Variants in ADAM11 observed in about 807,000 individuals in gnomAD.
ADAM11 encodes the protein ADAM metallopeptidase domain 11.
ADAM11 carries 49 observed loss-of-function variants against 119.1 expected under a neutral mutation model. That is an observed-to-expected ratio of 0.41 (90% confidence interval 0.33 to 0.52). The LOEUF (loss-of-function observed/expected upper bound fraction) is 0.52, where lower values mean the gene tolerates loss of function less well. Among genes scored for constraint, ADAM11 ranks in the 20% least tolerant of loss-of-function variants. The pLI, the probability that ADAM11 is intolerant of heterozygous loss-of-function variation, is 0.20. For missense variants in ADAM11, 777 were observed against 1,047.5 expected, an observed-to-expected ratio of 0.74 and a Z score of 3.56; for synonymous variants, 364 against 408.0, an observed-to-expected ratio of 0.89 and a Z score of 1.30.
At position 44,780,947 on chromosome 17, in the gene ADAM11, T is replaced by C. The variant is rs9898964; in HGVS notation, c.*1193T>C. 0.6 allele frequency: 92,108 copies of C among 152,456 alleles called. 28,363 individuals are homozygous for C. The highest frequency in any genetic ancestry group is 0.77 in the East Asian group (3,970 of 5,136). 9.4% of individuals were successfully genotyped at this position (152,456 alleles called of 1,614,324 possible). ...TGCTGCAGCGAGCCTGAGAGCCAGG[T>C]AGAGCCAGGCACAGCTCCTCAGTCT... On this transcript the variant is annotated 3_prime_UTR_variant, in exon 27 of 27. Coordinates refer to ENST00000200557, the MANE Select transcript of ADAM11 (RefSeq NM_002390.6).
rs1170109447 is a variant in ADAM11 at position 44,780,074 on chromosome 17, G to GC, written c.*325dup. 3.0e-6 allele frequency: 2 copies of GC among 660,742 alleles called. No homozygotes were observed. Among genetic ancestry groups the GC allele is most frequent in the African/African-American group, 1.8e-5 (1 of 56,408 alleles). 40.9% of individuals were successfully genotyped at this position (660,742 alleles called of 1,614,324 possible). On this transcript the variant is annotated 3_prime_UTR_variant, in exon 27 of 27. Transcript: ENST00000200557. The stretch of plus-strand genomic sequence containing the variant: ...TCAACTCGGGGGCGCCTGGAGGGAT[G>GC]CCCCCAGGCAGCCACCAGTGGACCT...
At position 44,773,082 on chromosome 17, in the gene ADAM11, T is replaced by C. The variant is rs747118579; in HGVS notation, c.822T>C (p.Asp274=). ...CCAAGTCCGTGGTGAACCTGGCCGA[T>C]GTGGTAAGCAGCTCTCCCTCCCTCC... is the stretch of plus-strand genomic sequence containing the variant. ...NFAKSVVNLA[D]VIYKEQLNTR... Residue 274 remains aspartate (D), a synonymous_variant, in exon 10 of 27, where the codon GAT becomes GAC. Coordinates refer to ENST00000200557, the MANE Select transcript of ADAM11 (RefSeq NM_002390.6). The surrounding 1 kb of genome is among the most constrained non-coding windows in gnomAD (Gnocchi z 4.6). 2.1e-5 allele frequency: 34 copies of C among 1,613,594 alleles called. No individual in the cohort carries two copies. The highest frequency in any genetic ancestry group is 3.3e-5 in the Admixed American group (2 of 59,968).
Position 44,776,772 on chromosome 17 carries a change from G to A in ADAM11, c.1594G>A (p.Gly532Ser). The change falls in exon 19 of 27, where the codon GGT becomes AGT. Residue 532 changes from glycine (G) to serine (S), a missense_variant. This residue lies in a region of ADAM11 where 348 missense variants were observed against 486.7 expected (regional missense o/e 0.72). Coordinates refer to ENST00000200557, the MANE Select transcript of ADAM11 (RefSeq NM_002390.6). The surrounding 1 kb of genome is among the most constrained non-coding windows in gnomAD (Gnocchi z 5.2). Reference sequence around the variant, plus strand: ...CCCGCCTAACCTGCACAAGCTGGACGGTTACTACTGTGACCATGAGCAGGT... The same window carrying A: ...CCCGCCTAACCTGCACAAGCTGGACAGTTACTACTGTGACCATGAGCAGGT... The part of the protein sequence containing the change: ...QCPPNLHKLD[G>S]YYCDHEQGRC... 6.2e-7 allele frequency: 1 copy of A among 1,614,150 alleles called. No homozygotes were observed.
intron 2 of ADAM11, among the ~76,000 whole-genome samples, chr17:44,762,807 G>A (rs552679023): frequency 2.0e-5 from 3 of 152,072 alleles, no homozygotes; most frequent in East Asian, 1.9e-4. Flanking sequence ...CAAGGGTGGG[G>A]GTGCGACTGG....
chr17:44,776,887 T>C lies in ADAM11; in HGVS notation c.1618-12T>C. ...ATCTCCATCCCTTGCCTCTTAATTC[T>C]TGGACTCTCAGGGCCGCTGCTACGG... On this transcript the variant is annotated splice_polypyrimidine_tract_variant and intron_variant, in intron 19 of 26. Coordinates refer to ENST00000200557, the MANE Select transcript of ADAM11 (RefSeq NM_002390.6). This position sits in a 1 kb window ranked among gnomAD's most constrained non-coding sequence, Gnocchi z 5.2. 1 of 1,613,578 alleles carries C rather than the reference T, an allele frequency of 6.2e-7. No homozygotes were observed. The highest frequency in any genetic ancestry group is 8.5e-7 in the Non-Finnish European group (1 of 1,179,536).
At chr17:44,765,982 C>G (rs1479802877) in intron 2 of ADAM11, among the ~76,000 whole-genome samples, 2 of 152,160 alleles carry the variant, frequency 1.3e-5, no homozygotes, top group African/African-American at 4.8e-5. Flanking sequence ...TCAGGCCTTG[C>G]GATACATTTC....
In ADAM11 at chr17:44,770,035, C is replaced by A. The variant is rs201456031; in HGVS notation, c.368C>A (p.Thr123Asn). The A allele has an allele frequency of 2.5e-6, 4 of 1,614,104 alleles. No individual in the cohort carries two copies. The highest frequency in any genetic ancestry group is 3.3e-5 in the Admixed American group (2 of 60,030). Residue 123 changes from threonine (T) to asparagine (N), a missense_variant, in exon 4 of 27, where the codon ACC becomes AAC. This residue lies in a region of ADAM11 where 278 missense variants were observed against 310.1 expected (regional missense o/e 0.90). Coordinates refer to ENST00000200557, the MANE Select transcript of ADAM11 (RefSeq NM_002390.6). ...VERHFSREGT[T>N]QHSTGAGDHC... Reference sequence around the variant, plus strand: ...CGCCACTTCAGCCGGGAGGGGACAACCCAGCACAGCACCGTGAGTGCCACT... The same window carrying A: ...CGCCACTTCAGCCGGGAGGGGACAAACCAGCACAGCACCGTGAGTGCCACT...
rs1158996609 is a variant in ADAM11 at position 44,770,488 on chromosome 17, T to TCACCCCCCCCCCC, written c.381+441_381+442insACCCCCCCCCCCC. 6.6e-5 allele frequency among the ~76,000 whole-genome samples: 4 copies of TCACCCCCCCCCCC among 60,288 alleles called. 1 individual carries two copies. Among genetic ancestry groups the TCACCCCCCCCCCC allele is most frequent in the African/African-American group, 2.1e-4 (4 of 18,848 alleles). The allele number at this position is 60,288 out of a possible 152,430, so 39.6% of individuals were successfully genotyped here. A position where few individuals can be genotyped will look rare whatever the true frequency, so the allele number is the denominator to read the frequency against. On this transcript the variant is annotated intron_variant, in intron 4 of 26. Coordinates refer to ENST00000200557, the MANE Select transcript of ADAM11 (RefSeq NM_002390.6). ...AATGAGTGTCTATAAATAGCCTGTC[T>TCACCCCCCCCCCC]CCCCCCCCCCCGCCCCCACTGCCTG...
chr17:44,779,279 A>G (rs1270881631), intron 26 of ADAM11, 40 bp downstream of exon 26: 2 of 1,554,016 alleles, frequency 1.3e-6, no homozygotes, highest in Non-Finnish European at 1.7e-6. Flanking sequence ...GATGCCGGCC[A>G]CGTCATCCCT....
In ADAM11 at chr17:44,777,355, C is replaced by T; in HGVS notation, c.1781+90C>T. The stretch of plus-strand genomic sequence containing the variant: ...GGGCAGCAGGTTCTCCCAGGAGGAG[C>T]CTGTCAGTCCCAATGGGCGGGCACG... On this transcript the variant is annotated intron_variant, in intron 21 of 26. Transcript: ENST00000200557. This position sits in a 1 kb window ranked among gnomAD's most constrained non-coding sequence, Gnocchi z 5.1. 1 of 1,523,946 alleles carries T rather than the reference C, an allele frequency of 6.6e-7. No individual in the cohort carries two copies. Among genetic ancestry groups the T allele is most frequent in the Admixed American group, 1.7e-5 (1 of 57,196 alleles). 94.4% of individuals were successfully genotyped at this position (1,523,946 alleles called of 1,614,324 possible).
chr17:44,779,503 G>C, intron 26 of ADAM11: 2 of 985,400 alleles, frequency 2.0e-6, no homozygotes, highest in Non-Finnish European at 2.4e-6. Context: ...CTGCCACCAG[G>C]TGGAACTGGA....
chr17:44,763,217 T>C (rs1233025622), intron 2 of ADAM11, among the ~76,000 whole-genome samples: 1 of 152,134 alleles, frequency 6.6e-6, no homozygotes, highest in Non-Finnish European at 1.5e-5. Context: ...AGGCACTCCT[T>C]TACGTGGAAT....
At chr17:44,779,144 C>A (rs2049654252) in intron 25 of ADAM11, 78 bp from the exon 26 acceptor site, 1 of 1,539,518 alleles carries the variant, frequency 6.5e-7, no homozygotes, top group Non-Finnish European at 8.7e-7. Flanking sequence ...CGCATGGCAG[C>A]CAAAGGCCCC....
intron 2 of ADAM11, among the ~76,000 whole-genome samples, chr17:44,767,354 C>CAAA (rs72428475): frequency 6.2e-4 from 35 of 56,806 alleles, no homozygotes; most frequent in Non-Finnish European, 7.2e-4. Context: ...GACTCCATCT[C>CAAA]AAAAAAAAAA....
At chr17:44,759,475 G>T in intron 1 of ADAM11, 2 of 1,252,214 alleles carry the variant, frequency 1.6e-6, no homozygotes, top group Non-Finnish European at 2.0e-6. Context: ...CCGCCGACCG[G>T]CCAGCTCTGC....
At chr17:44,760,555 A>T (rs2049377463) in intron 2 of ADAM11, among the ~76,000 whole-genome samples, 1 of 152,216 alleles carries the variant, frequency 6.6e-6, no homozygotes, top group East Asian at 1.9e-4. Context: ...ATATCATGTG[A>T]ATAATAATCA....
chr17:44,779,679 G>T, intron 26 of ADAM11, 60 bp from the exon 27 acceptor site: 6 of 1,558,572 alleles, frequency 3.8e-6, no homozygotes, highest in Non-Finnish European at 5.2e-6. Context: ...GGGCCCTGCT[G>T]GGGGGCTCTC....
chr17:44,763,258 G>A (rs1420168965), intron 2 of ADAM11, among the ~76,000 whole-genome samples: 1 of 152,220 alleles, frequency 6.6e-6, no homozygotes, highest in Non-Finnish European at 1.5e-5. Context: ...TCCCAGAGGT[G>A]GGGCTGTTAT....
Position 44,772,785 on chromosome 17 carries a change from CTGTTCCTGGCTTG to C in ADAM11, c.679-71_679-59del, listed in dbSNP as rs1168091562. On this transcript the variant is annotated intron_variant, in intron 8 of 26. Transcript: ENST00000200557. This position sits in a 1 kb window ranked among gnomAD's most constrained non-coding sequence, Gnocchi z 4.5. ...CCAGACCCCCCCATCCCCACCGAGT[CTGTTCCTGGCTTG>C]GCCATGAGATCAGTCAGACATGGAA... The C allele has an allele frequency of 7.1e-5, 101 of 1,426,194 alleles. No individual in the cohort carries two copies. In the East Asian group the frequency reaches 2.3e-3, roughly 33 times the overall value. 88.3% of individuals were successfully genotyped at this position (1,426,194 alleles called of 1,614,324 possible).
Sources: gnomAD v4.1 joint callset for allele counts (sites outside exome capture counted in the v4.1 genomes callset) on GRCh38, gnomAD v4.1.1 for gene constraint, gnomAD v4.1.1 regional missense constraint, Gnocchi (gnomAD v3.1) non-coding constraint, MANE v1.5 for transcripts, NCBI Gene and HGNC (gene_info 2026-07-23, HGNC 2026-07-21) for gene names.